The following DNAI3 variants were observed in gnomAD, a reference collection of about 807,000 sequenced individuals.
DNAI3 encodes the protein dynein axonemal intermediate chain 3, also known as WD repeat domain 63.
DNAI3 carries 83 observed loss-of-function variants against 115.5 expected under a neutral mutation model. The ratio of observed to expected loss-of-function variants is 0.72; its 90% confidence interval spans 0.60 to 0.86. The LOEUF (loss-of-function observed/expected upper bound fraction) is 0.86. Ranked by LOEUF, DNAI3 falls within the 40% of genes least tolerant of loss-of-function variation. The pLI is 0.00. For synonymous variants in DNAI3, 320 were observed against 347.0 expected (o/e 0.92, Z 0.86); for missense variants, 1,004 against 1,075.8 (o/e 0.93, Z 0.93).
intron 20 of DNAI3, 33 bp downstream of exon 20, chr1:85,126,748 T>C (rs1217041624): frequency 6.2e-7 from 1 of 1,611,854 alleles, no homozygotes; most frequent in Admixed American, 1.7e-5. Flanking sequence ...AGCTAAGTCA[T>C]TTTGGGTAAC....
intron 13 of DNAI3, among the ~76,000 whole-genome samples, chr1:85,099,878 T>A (rs1655237994): frequency 2.0e-5 from 3 of 152,218 alleles, no homozygotes; most frequent in Admixed American, 1.3e-4. Flanking sequence ...GGGAAAGGAT[T>A]CCCTATTTAA....
chr1:85,106,362 A>G (rs1414372700), intron 14 of DNAI3, among the ~76,000 whole-genome samples: 1 of 152,240 alleles, frequency 6.6e-6, no homozygotes, highest in African/African-American at 2.4e-5. Context: ...TACAAATCAT[A>G]TATCTGATAA....
chr1:85,066,827 A>T (rs1468033165), intron 1 of DNAI3, among the ~76,000 whole-genome samples: 5 of 152,204 alleles, frequency 3.3e-5, no homozygotes, highest in Non-Finnish European at 7.4e-5. Context: ...TATGAAAAAA[A>T]CTTCAGTAAG....
intron 1 of DNAI3, among the ~76,000 whole-genome samples, chr1:85,070,219 C>T (rs1654227306): frequency 6.6e-6 from 1 of 151,834 alleles, no homozygotes. Flanking sequence ...TGAGACCGCG[C>T]CACTGCACTC....
chr1:85,098,678 T>C lies in DNAI3; in HGVS notation c.1479+20T>C. 1 of 1,607,586 alleles carries C rather than the reference T, an allele frequency of 6.2e-7. No individual in the cohort carries two copies. On this transcript the variant is annotated intron_variant, in intron 13 of 22. Transcript: ENST00000294664. ...TTTGAGGTGAGACTTGATGGCCTTA[T>C]ACTTTTCTCCTGCTGAATTACACAT... is the stretch of plus-strand genomic sequence containing the variant.
chr1:85,129,955 C>A, intron 21 of DNAI3, 35 bp from the exon 22 acceptor site: 1 of 1,590,108 alleles, frequency 6.3e-7, no homozygotes, highest in East Asian at 2.2e-5. Flanking sequence ...GGGCTTCCTG[C>A]CTGTCACCCT....
At chr1:85,066,314 CTTTTTTTTTTTTTTT>C (rs57553075) in intron 1 of DNAI3, among the ~76,000 whole-genome samples, 2 of 70,036 alleles carry the variant, frequency 2.9e-5, no homozygotes, top group African/African-American at 1.2e-4. Flanking sequence ...TTCTGCTACT[CTTTTTTTTTTTTTTT>C]TTTTTTTTTT....
intron 13 of DNAI3, among the ~76,000 whole-genome samples, chr1:85,104,095 C>T (rs1384513144): frequency 6.7e-6 from 1 of 149,596 alleles, no homozygotes; most frequent in Non-Finnish European, 1.5e-5. Flanking sequence ...TTCTGTTTCA[C>T]AAACTTCTGA....
At chr1:85,111,471 A>G (rs1655660060) in intron 16 of DNAI3, among the ~76,000 whole-genome samples, 1 of 152,116 alleles carries the variant, frequency 6.6e-6, no homozygotes, top group Non-Finnish European at 1.5e-5. Context: ...ACTTTCATTC[A>G]TTTAACAGAT....
At position 85,110,141 on chromosome 1, in the gene DNAI3, T is replaced by C. The variant is rs1345457626; in HGVS notation, c.1786+6T>C. On this transcript the variant is annotated splice_donor_region_variant and intron_variant, in intron 16 of 22. Transcript: ENST00000294664. ...TCTTCTTTGCAAAACACAAGGTAAC[T>C]GCCTTTGCTTATTTAAAAAAAAAAA... 1 of 1,605,504 alleles carries C rather than the reference T, an allele frequency of 6.2e-7. No individual in the cohort carries two copies. The highest frequency in any genetic ancestry group is 8.5e-7 in the Non-Finnish European group (1 of 1,175,856).
chr1:85,100,489 A>T (rs1366046946), intron 13 of DNAI3, among the ~76,000 whole-genome samples: 1 of 152,172 alleles, frequency 6.6e-6, no homozygotes, highest in Non-Finnish European at 1.5e-5. Flanking sequence ...GCTGGAGAGG[A>T]TGTGGAGAAA....
chr1:85,102,342 A>G (rs1384429508), intron 13 of DNAI3, among the ~76,000 whole-genome samples: 2 of 152,138 alleles, frequency 1.3e-5, no homozygotes, highest in Admixed American at 6.5e-5. Context: ...TCCATCGGCT[A>G]TGCATCAATA....
At chr1:85,074,662 A>G (rs1474855105) in intron 3 of DNAI3, among the ~76,000 whole-genome samples, 2 of 152,188 alleles carry the variant, frequency 1.3e-5, no homozygotes, top group African/African-American at 4.8e-5. Flanking sequence ...AGTACAGTCA[A>G]TTCTCGTTCG....
At chr1:85,103,622 C>T (rs1197675918) in intron 13 of DNAI3, among the ~76,000 whole-genome samples, 1 of 152,106 alleles carries the variant, frequency 6.6e-6, no homozygotes, top group Non-Finnish European at 1.5e-5. Context: ...GCGCATGGCT[C>T]ATGCCTCTAA....
At chr1:85,089,411 T>C (rs916366243) in intron 7 of DNAI3, among the ~76,000 whole-genome samples, 1 of 149,154 alleles carries the variant, frequency 6.7e-6, no homozygotes, top group South Asian at 2.2e-4. Flanking sequence ...ATACTTGAGA[T>C]TGATAAAGCC....
chr1:85,106,518 C>T (rs1255472130), intron 14 of DNAI3, among the ~76,000 whole-genome samples: 1 of 152,152 alleles, frequency 6.6e-6, no homozygotes, highest in Non-Finnish European at 1.5e-5. Flanking sequence ...TAAAAAGATG[C>T]TCAATATCAT....
chr1:85,094,310 A>G, intron 9 of DNAI3, 121 bp from the exon 10 acceptor site: 2 of 1,338,128 alleles, frequency 1.5e-6, no homozygotes, highest in Non-Finnish European at 2.0e-6. Context: ...CTCTAAGAAA[A>G]CTCTTGCTCT....
intron 17 of DNAI3, among the ~76,000 whole-genome samples, chr1:85,120,514 G>A (rs1655965554): frequency 6.6e-6 from 1 of 152,206 alleles, no homozygotes; most frequent in African/African-American, 2.4e-5. Context: ...ACATTTATTA[G>A]ATTGGTTCCA....
At chr1:85,087,379 T>G (rs1654828869) in intron 7 of DNAI3, among the ~76,000 whole-genome samples, 1 of 128,490 alleles carries the variant, frequency 7.8e-6, no homozygotes, top group South Asian at 2.3e-4. Context: ...GAGGTTGCAG[T>G]GAGCCAAGAT....
Sources: gnomAD v4.1 joint callset for allele counts (sites outside exome capture counted in the v4.1 genomes callset) on GRCh38, gnomAD v4.1.1 for gene constraint, MANE v1.5 for transcripts, NCBI Gene and HGNC (gene_info 2026-07-23, HGNC 2026-07-21) for gene names.